The following TET3 variants were observed in gnomAD, a reference collection of about 807,000 sequenced individuals.
TET3 encodes tet methylcytosine dioxygenase 3.
Under a neutral mutation model 141.4 loss-of-function variants are expected in TET3, and 19 were observed. That is an observed-to-expected ratio of 0.13 (90% CI 0.09 to 0.20). TET3 has a LOEUF of 0.20. Ranked by LOEUF, TET3 falls within the 10% of genes least tolerant of loss-of-function variation. TET3 has a pLI of 1.00. For missense variants in TET3, 1,874 were observed against 2,356.9 expected (o/e 0.80, Z 4.24); for synonymous variants, 1,043 against 980.9 (o/e 1.06, Z -1.18).
At chr2:74,128,413 G>A in the TET3 span, among the ~76,000 whole-genome samples, 2 of 152,166 alleles carry the variant, frequency 1.3e-5, no homozygotes, top group African/African-American at 4.8e-5. Context: ...ACCGCCAGGA[G>A]GAGCCAAGGG....
At chr2:74,044,379 A>G (rs1436020131) in intron 3 of TET3, among the ~76,000 whole-genome samples, 1 of 152,228 alleles carries the variant, frequency 6.6e-6, no homozygotes, top group Non-Finnish European at 1.5e-5. Flanking sequence ...CTGTATAGAC[A>G]TATTTTTCCA....
At chr2:74,013,963 A>G (rs1448128935) in intron 3 of TET3, among the ~76,000 whole-genome samples, 1 of 152,168 alleles carries the variant, frequency 6.6e-6, no homozygotes, top group African/African-American at 2.4e-5. Flanking sequence ...TTAACATAAT[A>G]TGTCTACAGC....
At chr2:74,098,294 G>T (rs1372221559) in intron 10 of TET3, among the ~76,000 whole-genome samples, 2 of 152,134 alleles carry the variant, frequency 1.3e-5, no homozygotes, top group Non-Finnish European at 2.9e-5. Context: ...TTGATAATGA[G>T]ATTAACACAT....
At chr2:74,058,830 A>G (rs758960126) in intron 4 of TET3, among the ~76,000 whole-genome samples, 5 of 152,170 alleles carry the variant, frequency 3.3e-5, no homozygotes, top group Non-Finnish European at 7.4e-5. Context: ...GCCCACACTC[A>G]TGTATAAAAG....
In TET3 at chr2:74,088,045, A is replaced by G; in HGVS notation, c.2888+7A>G. On this transcript the variant is annotated splice_region_variant and intron_variant, in intron 7 of 11. Coordinates refer to ENST00000409262, the MANE Select transcript of TET3 (RefSeq NM_001287491.2). ...GATGCGGCCTCAACGATGAGTATGT[A>G]GCAGAGGGCTTCAGGGCCAGGGCCC... 1 of 1,555,384 alleles carries G rather than the reference A, an allele frequency of 6.4e-7. No individual in the cohort carries two copies. Among genetic ancestry groups the G allele is most frequent in the Non-Finnish European group, 8.7e-7 (1 of 1,149,406 alleles).
chr2:74,068,241 C>A (rs1441874657), intron 4 of TET3, among the ~76,000 whole-genome samples: 1 of 151,868 alleles, frequency 6.6e-6, no homozygotes, highest in African/African-American at 2.4e-5. Context: ...TTTAAACTTG[C>A]TTTTACTCTG....
Position 74,089,824 on chromosome 2 carries a change from C to T in TET3, c.2889-73C>T, listed in dbSNP as rs1690377590. 4 of 1,572,374 alleles carry T rather than the reference C, an allele frequency of 2.5e-6. No individual in the cohort carries two copies. The African/African-American group carries it at 5.4e-5, about 21-fold the overall frequency. On this transcript the variant is annotated intron_variant, in intron 7 of 11. Transcript: ENST00000409262. ...GTGCCAGGGCTCAGCAGGGCCACCC[C>T]TTGAGGGAGGAGGAATACTCCAGAA...
At chr2:74,060,304 G>T (rs1688432654) in intron 4 of TET3, among the ~76,000 whole-genome samples, 1 of 152,120 alleles carries the variant, frequency 6.6e-6, no homozygotes, top group Non-Finnish European at 1.5e-5. Flanking sequence ...TTCTGTTCAA[G>T]TTCCGGTTCA....
At chr2:74,095,430 G>GA (rs1429073053) in intron 10 of TET3, among the ~76,000 whole-genome samples, 1 of 151,842 alleles carries the variant, frequency 6.6e-6, no homozygotes, top group Non-Finnish European at 1.5e-5. Context: ...GTTTGGGGTT[G>GA]AAAAAAGGAG....
chr2:74,079,404 G>A (rs918905697), intron 5 of TET3, among the ~76,000 whole-genome samples: 17 of 152,242 alleles, frequency 1.1e-4, no homozygotes, highest in African/African-American at 3.9e-4. Flanking sequence ...TTTATGGCTA[G>A]AGCTATAAAG....
Position 74,097,091 on chromosome 2 carries a change from C to T in TET3, c.3268-2185C>T, listed in dbSNP as rs181326647. On this transcript the variant is annotated intron_variant, in intron 10 of 11. Coordinates refer to ENST00000409262, the MANE Select transcript of TET3 (RefSeq NM_001287491.2). The stretch of plus-strand genomic sequence containing the variant: ...TGGGCAATAGAGTAAGACCTTATCT[C>T]AAAAAGAAAAAGAAGAAAAAGAAAA... Among the ~76,000 whole-genome samples, 13 of 116,182 alleles carry T rather than the reference C, an allele frequency of 1.1e-4. No individual in the cohort carries two copies. In the Admixed American group the frequency reaches 1.3e-3, roughly 12 times the overall value. 76.2% of individuals were successfully genotyped at this position (116,182 alleles called of 152,430 possible).
At position 74,086,657 on chromosome 2, in the gene TET3, G is replaced by A. The variant is rs1690174334; in HGVS notation, c.2680-1173G>A. ...TTTAAAAAGTTAGCCAGGCATGGTG[G>A]CGTGTGTCTGTAGTCCCGGGTACTC... On this transcript the variant is annotated intron_variant, in intron 6 of 11. Transcript: ENST00000409262. 6.6e-5 allele frequency among the ~76,000 whole-genome samples: 10 copies of A among 152,006 alleles called. No individual in the cohort carries two copies. The South Asian group carries it at 2.1e-3, about 32-fold the overall frequency.
chr2:74,134,894 G>C, the TET3 span: 1 of 399,602 alleles, frequency 2.5e-6, no homozygotes. Context: ...ATGTCCCACT[G>C]TCCCTGCTCC....
At position 74,102,999 on chromosome 2, in the gene TET3, T is replaced by G. The variant is rs1027773643; in HGVS notation, c.*823T>G. 3 of 152,186 alleles carry G rather than the reference T, an allele frequency of 2.0e-5. No homozygotes were observed. The highest frequency in any genetic ancestry group is 7.2e-5 in the African/African-American group (3 of 41,432). 9.4% of individuals were successfully genotyped at this position (152,186 alleles called of 1,614,324 possible). On this transcript the variant is annotated 3_prime_UTR_variant, in exon 12 of 12. Coordinates refer to ENST00000409262, the MANE Select transcript of TET3 (RefSeq NM_001287491.2). Reference sequence around the variant, plus strand: ...CAAGCTTGCTAGTCTCCACACTGAATCCTCTGTCCGTTATTTATGGAGTCA... The same window carrying G: ...CAAGCTTGCTAGTCTCCACACTGAAGCCTCTGTCCGTTATTTATGGAGTCA...
downstream of TET3, among the ~76,000 whole-genome samples, chr2:74,109,603 ATTTC>A: frequency 6.6e-6 from 1 of 152,266 alleles, no homozygotes; most frequent in Middle Eastern, 3.4e-3. Context: ...CACTCAGTCT[ATTTC>A]TTTCTACGCT....
chr2:74,041,012 G>A (rs1687308879), intron 3 of TET3, among the ~76,000 whole-genome samples: 1 of 152,130 alleles, frequency 6.6e-6, no homozygotes, highest in Admixed American at 6.5e-5. Context: ...CTTCAAAAGG[G>A]CTAAACTGGT....
the TET3 span, among the ~76,000 whole-genome samples, chr2:74,115,521 T>TA: frequency 1.3e-5 from 2 of 152,158 alleles, no homozygotes; most frequent in African/African-American, 4.8e-5. Context: ...TTCACCACTG[T>TA]ATGATTCATC....
chr2:74,030,920 G>A (rs958694589), intron 3 of TET3, among the ~76,000 whole-genome samples: 40 of 152,300 alleles, frequency 2.6e-4, no homozygotes, highest in African/African-American at 9.6e-4. Context: ...GGGGATGGAA[G>A]GGTTTAGCCA....
intron 7 of TET3, among the ~76,000 whole-genome samples, chr2:74,089,164 C>T (rs980391777): frequency 6.6e-6 from 1 of 151,796 alleles, no homozygotes; most frequent in African/African-American, 2.4e-5. Context: ...TATAAGCAAG[C>T]CCTCCCCTAG....
Sources: gnomAD v4.1 joint callset for allele counts (sites outside exome capture counted in the v4.1 genomes callset) on GRCh38, gnomAD v4.1.1 for gene constraint, MANE v1.5 for transcripts, NCBI Gene and HGNC (gene_info 2026-07-23, HGNC 2026-07-21) for gene names.